Variants in GAPVD1 observed in about 807,000 individuals in gnomAD.
GAPVD1 encodes the protein GTPase activating protein and VPS9 domains 1.
A neutral mutation model predicts 155.5 loss-of-function variants in GAPVD1; 35 were observed. The observed-to-expected ratio is 0.23, with a 90% confidence interval of 0.17 to 0.30. The LOEUF is 0.30. GAPVD1 is among the 10% of genes least tolerant of loss of function. The pLI, the probability that GAPVD1 is intolerant of heterozygous loss-of-function variation, is 1.00. For missense variants in GAPVD1, 1,429 were observed against 1,775.7 expected (o/e 0.80, Z 3.51); for synonymous variants, 636 against 619.7 (o/e 1.03, Z -0.39).
At chr9:125,339,043 G>A (rs1847464175) in intron 17 of GAPVD1, among the ~76,000 whole-genome samples, 1 of 151,974 alleles carries the variant, frequency 6.6e-6, no homozygotes, top group African/African-American at 2.4e-5. Flanking sequence ...GTGCAGTGGT[G>A]CCAACACTGC....
rs998605002 is a variant in GAPVD1, at chr9:125,261,930, C to G, written c.-228C>G. ...GGCCGAGTGGCGGTCCGACAGAGTC[C>G]TCCGTGTCCTCCCCCGCATGACCCC... is the stretch of plus-strand genomic sequence containing the variant. On this transcript the variant is annotated 5_prime_UTR_variant, in exon 1 of 28. Transcript: ENST00000297933. 1.3e-5 allele frequency: 2 copies of G among 153,288 alleles called. No homozygotes were observed. Among genetic ancestry groups the G allele is most frequent in the African/African-American group, 4.8e-5 (2 of 41,476 alleles). The allele number at this position is 153,288 out of a possible 1,614,324, so 9.5% of individuals were successfully genotyped here.
In GAPVD1 at chr9:125,350,368, A is replaced by G. The variant is rs769727647; in HGVS notation, c.3373A>G (p.Thr1125Ala). ...SVAFPVLTHS[T>A]RNGLPDHTDP... ...TGCCTTCCCAGTGCTGACCCATTCA[A>G]CAAGGAATGGTTTACCAGACCACAC... Residue 1125 changes from threonine (T) to alanine (A), a missense_variant, in exon 22 of 28, where the codon ACA becomes GCA. Physicochemically the swap from Thr to Ala is moderately conservative, Grantham distance 58. This residue lies in a region of GAPVD1 where 699 missense variants were observed against 826.0 expected (regional missense o/e 0.85). Transcript: ENST00000297933. 6.2e-7 allele frequency: 1 copy of G among 1,608,196 alleles called. No individual in the cohort carries two copies.
rs1261467707 is a variant in GAPVD1 at position 125,312,481 on chromosome 9, C to T, written c.1471C>T (p.Leu491=). 10 of 1,594,830 alleles carry T rather than the reference C, an allele frequency of 6.3e-6. No homozygotes were observed. The highest frequency in any genetic ancestry group is 7.7e-6 in the Non-Finnish European group (9 of 1,172,816). Residue 491 remains leucine, a synonymous_variant, in exon 9 of 28, where the codon CTA becomes TTA. Transcript: ENST00000297933. ...ATRSRSRTNM[L]MDLHMDHEGS... is the part of the protein sequence containing the mutation. ...TCGGAGCAGAAGCCGCACCAATATG[C>T]TAATGGACCTACATATGGACCATGA...
At chr9:125,274,201 A>T (rs1319507198) in intron 2 of GAPVD1, among the ~76,000 whole-genome samples, 2 of 151,746 alleles carry the variant, frequency 1.3e-5, no homozygotes, top group Non-Finnish European at 2.9e-5. Context: ...TATTTTTAGT[A>T]GAGACGGGGT....
chr9:125,306,087 T>G (rs1397449882), intron 6 of GAPVD1, among the ~76,000 whole-genome samples: 3 of 152,236 alleles, frequency 2.0e-5, no homozygotes, highest in Non-Finnish European at 4.4e-5. Flanking sequence ...TCAAGGATAT[T>G]TGAGTAAAAT....
chr9:125,362,194 T>C (rs1221770293), intron 27 of GAPVD1, among the ~76,000 whole-genome samples: 1 of 152,192 alleles, frequency 6.6e-6, no homozygotes, highest in African/African-American at 2.4e-5. Context: ...ACAGAGGGCA[T>C]GTCATCTTTT....
chr9:125,290,871 G>A (rs935279959), intron 2 of GAPVD1, among the ~76,000 whole-genome samples: 2 of 151,728 alleles, frequency 1.3e-5, no homozygotes, highest in Non-Finnish European at 2.9e-5. Context: ...GTGCATGCCT[G>A]TGGTCCCAGC....
chr9:125,329,586 G>A (rs1845775277), intron 12 of GAPVD1, among the ~76,000 whole-genome samples: 1 of 151,302 alleles, frequency 6.6e-6, no homozygotes, highest in East Asian at 1.9e-4. Flanking sequence ...CTTGATTGAA[G>A]TTATTCTTAC....
At chr9:125,311,487 G>A (rs1312663360) in intron 8 of GAPVD1, among the ~76,000 whole-genome samples, 1 of 152,088 alleles carries the variant, frequency 6.6e-6, no homozygotes, top group African/African-American at 2.4e-5. Flanking sequence ...CAAGTGTGGT[G>A]GTGTCTGCCT....
At chr9:125,330,484 A>G (rs1845919549) in intron 13 of GAPVD1, among the ~76,000 whole-genome samples, 1 of 151,636 alleles carries the variant, frequency 6.6e-6, no homozygotes, top group South Asian at 2.1e-4. Flanking sequence ...ATGCCGGGTA[A>G]TTTTTGTATT....
chr9:125,349,439 A>C lies in GAPVD1; in HGVS notation c.3219A>C (p.Ala1073=). The part of the protein sequence containing the change: ...ESAHDSPRDE[A]LQNISADDLP... ...CACATGATTCTCCCCGTGACGAAGC[A>C]CTGCAGAACATCTCGGCTGATGATC... Residue 1073 remains alanine, a synonymous_variant, in exon 21 of 28, where the codon GCA becomes GCC. Transcript: ENST00000297933. 1 of 1,613,854 alleles carries C rather than the reference A, an allele frequency of 6.2e-7. No individual in the cohort carries two copies. The highest frequency in any genetic ancestry group is 8.5e-7 in the Non-Finnish European group (1 of 1,179,748).
chr9:125,324,142 A>G (rs559130356), intron 11 of GAPVD1, among the ~76,000 whole-genome samples: 65 of 152,320 alleles, frequency 4.3e-4, no homozygotes, highest in African/African-American at 1.4e-3. Flanking sequence ...GAAATTCAGT[A>G]ATATTTGATA....
intron 17 of GAPVD1, among the ~76,000 whole-genome samples, chr9:125,338,262 A>G (rs1203609256): frequency 1.3e-5 from 2 of 152,320 alleles, no homozygotes; most frequent in Non-Finnish European, 2.9e-5. Flanking sequence ...ATTTGTGAGC[A>G]AGTTGCCAAC....
intron 9 of GAPVD1, among the ~76,000 whole-genome samples, chr9:125,314,243 G>A (rs1375641758): frequency 1.3e-5 from 2 of 152,078 alleles, no homozygotes; most frequent in African/African-American, 4.8e-5. Context: ...TCTTTGGCTG[G>A]TCAGGAAAAA....
intron 15 of GAPVD1, among the ~76,000 whole-genome samples, chr9:125,334,916 T>C (rs1401306514): frequency 2.0e-5 from 3 of 152,328 alleles, no homozygotes; most frequent in Middle Eastern, 3.4e-3. Flanking sequence ...TGGAAACGTG[T>C]GTCTACCTGC....
At chr9:125,311,451 G>C (rs117703085) in intron 8 of GAPVD1, among the ~76,000 whole-genome samples, 1,965 of 152,090 alleles carry the variant, frequency 0.013, 103 homozygotes, top group East Asian at 0.088. Context: ...GCAAAACCCC[G>C]TCTCTACTAA....
intron 27 of GAPVD1, among the ~76,000 whole-genome samples, chr9:125,362,301 G>A (rs1483327497): frequency 6.6e-6 from 1 of 151,970 alleles, no homozygotes; most frequent in East Asian, 1.9e-4. Flanking sequence ...TCTGAAATCC[G>A]GGGATGTTGA....
At chr9:125,294,846 G>GCCAAA in intron 2 of GAPVD1, among the ~76,000 whole-genome samples, 1 of 152,044 alleles carries the variant, frequency 6.6e-6, no homozygotes, top group African/African-American at 2.4e-5. Context: ...CTCAAATGAA[G>GCCAAA]TAGATGTCAT....
intron 27 of GAPVD1, among the ~76,000 whole-genome samples, chr9:125,361,596 G>C (rs2132730292): frequency 6.6e-6 from 1 of 151,810 alleles, no homozygotes; most frequent in East Asian, 1.9e-4. Flanking sequence ...ATGGATGAGG[G>C]CAGGTTCTTT....
Sources: gnomAD v4.1 joint callset for allele counts (sites outside exome capture counted in the v4.1 genomes callset) on GRCh38, gnomAD v4.1.1 for gene constraint, gnomAD v4.1.1 regional missense constraint, MANE v1.5 for transcripts, NCBI Gene and HGNC (gene_info 2026-07-23, HGNC 2026-07-21) for gene names.